PPP3R1: variants seen among roughly 807,000 people sequenced by gnomAD.
The protein encoded by PPP3R1 is calcineurin subunit B type 1.
Under a neutral mutation model 22.6 loss-of-function variants are expected in PPP3R1, and 5 were observed. That is an observed-to-expected ratio of 0.22 (90% confidence interval 0.12 to 0.46). PPP3R1 has a LOEUF of 0.46. Ranked by LOEUF, PPP3R1 falls within the 20% of genes least tolerant of loss-of-function variation. The pLI is 0.99. For synonymous variants in PPP3R1, 56 were observed against 65.2 expected, an observed-to-expected ratio of 0.86 and a Z score of 0.68; for missense variants, 61 against 203.2, an observed-to-expected ratio of 0.30 and a Z score of 4.25.
chr2:68,226,058 CT>C (rs1356836357), intron 1 of PPP3R1, among the ~76,000 whole-genome samples: 1 of 152,068 alleles, frequency 6.6e-6, no homozygotes, highest in African/African-American at 2.4e-5. Flanking sequence ...AAGCAATATG[CT>C]AAGTAAAAGA....
rs184656157 is a variant in PPP3R1, at chr2:68,188,396, A to C, written c.220+118T>G. 6.8e-3 allele frequency: 5,150 copies of C among 758,138 alleles called. 33 individuals carry two copies. Among genetic ancestry groups the C allele is most frequent in the Non-Finnish European group, 8.7e-3 (4,403 of 506,716 alleles). 47.0% of individuals were successfully genotyped at this position (758,138 alleles called of 1,614,324 possible). ...GCCACAGACGCTGAGGTTTTAACAT[A>C]ATCTATTATTGTAAGGTCACTAGGA... is the stretch of plus-strand genomic sequence containing the variant. On this transcript the variant is annotated intron_variant, in intron 3 of 5. Transcript: ENST00000234310.
chr2:68,182,324 T>G lies in PPP3R1; in HGVS notation c.466-1314A>C, dbSNP rs539570934. Reference sequence around the variant, plus strand: ...CTCCTGCTGTGGGAAAAAAAGCAGTTTGTCACCCTGCCCTCATTCTCTATT... The same window carrying G: ...CTCCTGCTGTGGGAAAAAAAGCAGTGTGTCACCCTGCCCTCATTCTCTATT... On this transcript the variant is annotated intron_variant, in intron 5 of 5. Coordinates refer to ENST00000234310, the MANE Select transcript of PPP3R1 (RefSeq NM_000945.4). Among the ~76,000 whole-genome samples the G allele has an allele frequency of 9.3e-4, 141 of 152,274 alleles. 1 individual carries two copies. Among genetic ancestry groups the G allele is most frequent in the African/African-American group, 3.2e-3 (134 of 41,544 alleles).
intron 2 of PPP3R1, among the ~76,000 whole-genome samples, chr2:68,194,673 T>C (rs1674733066): frequency 6.6e-6 from 1 of 152,146 alleles, no homozygotes; most frequent in African/African-American, 2.4e-5. Context: ...GCTATTCAAC[T>C]GTTGGGATTA....
At chr2:68,241,984 T>A (rs1670146462) in intron 1 of PPP3R1, among the ~76,000 whole-genome samples, 1 of 152,174 alleles carries the variant, frequency 6.6e-6, no homozygotes, top group Admixed American at 6.5e-5. Flanking sequence ...CAGTAGCCAC[T>A]ACCTACATGT....
intron 1 of PPP3R1, among the ~76,000 whole-genome samples, chr2:68,249,728 GGA>G (rs750234822): frequency 7.3e-6 from 1 of 137,114 alleles, no homozygotes; most frequent in African/African-American, 2.7e-5. Flanking sequence ...TTAACTTTCA[GGA>G]AAAAAAAAAA....
chr2:68,224,640 G>T (rs1381833515), intron 1 of PPP3R1, among the ~76,000 whole-genome samples: 1 of 151,418 alleles, frequency 6.6e-6, no homozygotes, highest in Admixed American at 6.6e-5. Flanking sequence ...CTCCAGCCTC[G>T]GCAGCAGAGC....
chr2:68,193,555 C>T (rs1245231177), intron 2 of PPP3R1, among the ~76,000 whole-genome samples: 4 of 152,114 alleles, frequency 2.6e-5, no homozygotes, highest in Non-Finnish European at 5.9e-5. Context: ...CCAAGATCTA[C>T]GAAAGTCAGC....
chr2:68,240,720 T>C (rs987415758), intron 1 of PPP3R1, among the ~76,000 whole-genome samples: 1 of 152,202 alleles, frequency 6.6e-6, no homozygotes, highest in African/African-American at 2.4e-5. Context: ...CAAGGCCAAG[T>C]GGCTAGAGCA....
At chr2:68,201,266 AATT>A (rs949320153) in intron 2 of PPP3R1, among the ~76,000 whole-genome samples, 2 of 152,156 alleles carry the variant, frequency 1.3e-5, no homozygotes, top group Non-Finnish European at 2.9e-5. Context: ...CTTTAAAAAA[AATT>A]ATATTTCCAC....
intron 1 of PPP3R1, among the ~76,000 whole-genome samples, chr2:68,233,658 C>CA (rs1669962773): frequency 1.3e-5 from 2 of 151,680 alleles, no homozygotes; most frequent in Admixed American, 6.6e-5. Context: ...AGTCTACAAA[C>CA]AAAAAAAATC....
At chr2:68,186,367 C>A in intron 5 of PPP3R1, 101 bp downstream of exon 5, 1 of 1,176,944 alleles carries the variant, frequency 8.5e-7, no homozygotes, top group Non-Finnish European at 1.2e-6. Flanking sequence ...AAATCAAATA[C>A]TTAAGTTTTT....
intron 1 of PPP3R1, among the ~76,000 whole-genome samples, chr2:68,224,558 G>T (rs1413935827): frequency 6.6e-6 from 1 of 152,004 alleles, no homozygotes; most frequent in Non-Finnish European, 1.5e-5. Context: ...CAGCTACTCG[G>T]GAAGCTGAGG....
At chr2:68,184,820 G>T (rs1674500388) in intron 5 of PPP3R1, among the ~76,000 whole-genome samples, 1 of 152,182 alleles carries the variant, frequency 6.6e-6, no homozygotes, top group Non-Finnish European at 1.5e-5. Flanking sequence ...AGACACAGTG[G>T]CTCGTGCCTG....
intron 2 of PPP3R1, among the ~76,000 whole-genome samples, chr2:68,208,602 G>A (rs952916840): frequency 3.9e-5 from 6 of 152,128 alleles, no homozygotes; most frequent in African/African-American, 1.4e-4. Flanking sequence ...TTTTAAAATA[G>A]AAACATACAT....
chr2:68,215,013 C>G (rs1221361525), intron 2 of PPP3R1, among the ~76,000 whole-genome samples: 1 of 152,076 alleles, frequency 6.6e-6, no homozygotes. Context: ...AAACCATTAT[C>G]CTAAGCAAAC....
rs907813219 is a variant in PPP3R1 at position 68,179,681 on chromosome 2, A to G, written c.*1282T>C. 4 of 152,214 alleles carry G rather than the reference A, an allele frequency of 2.6e-5. No homozygotes were observed. The highest frequency in any genetic ancestry group is 2.6e-4 in the Admixed American group (4 of 15,278). 9.4% of individuals were successfully genotyped at this position (152,214 alleles called of 1,614,324 possible). A position where few individuals can be genotyped will look rare whatever the true frequency, so the allele number is the denominator to read the frequency against. ...AAGATCAAACAGTAGAACATGATAC[A>G]CTACTTTTATATCACACAAATTTAT... is the stretch of plus-strand genomic sequence containing the variant. On this transcript the variant is annotated 3_prime_UTR_variant, in exon 6 of 6. Transcript: ENST00000234310.
At chr2:68,216,760 G>C (rs571846696) in intron 2 of PPP3R1, among the ~76,000 whole-genome samples, 1 of 152,252 alleles carries the variant, frequency 6.6e-6, no homozygotes, top group African/African-American at 2.4e-5. Flanking sequence ...AGTCACCAAA[G>C]AGAAAAGAGT....
At chr2:68,236,826 T>A (rs78588470) in intron 1 of PPP3R1, among the ~76,000 whole-genome samples, 2 of 152,056 alleles carry the variant, frequency 1.3e-5, no homozygotes, top group South Asian at 4.2e-4. Flanking sequence ...GCAAGAGCCA[T>A]TGAGATACAA....
chr2:68,228,770 G>A (rs916082452), intron 1 of PPP3R1, among the ~76,000 whole-genome samples: 4 of 151,838 alleles, frequency 2.6e-5, no homozygotes, highest in African/African-American at 9.7e-5. Flanking sequence ...CTTCTCAAAT[G>A]TGTGCATTTA....
Sources: allele counts gnomAD v4.1 joint callset (sites outside exome capture counted in the v4.1 genomes callset), GRCh38; gene constraint gnomAD v4.1.1; transcripts MANE v1.5; gene names NCBI Gene and HGNC (gene_info 2026-07-23, HGNC 2026-07-21).